SPTBN1: variants seen among roughly 807,000 people sequenced by gnomAD.
SPTBN1 encodes the protein spectrin beta, non-erythrocytic 1.
SPTBN1 carries 32 observed loss-of-function variants against 266.4 expected under a neutral mutation model. The ratio of observed to expected loss-of-function variants is 0.12; its 90% confidence interval spans 0.09 to 0.16. SPTBN1 has a LOEUF of 0.16. Among genes scored for constraint, SPTBN1 ranks in the 10% least tolerant of loss-of-function variants. The pLI is 1.00. For missense variants in SPTBN1, 2,296 were observed against 3,067.1 expected (o/e 0.75, Z 5.94); for synonymous variants, 1,336 against 1,162.2 (o/e 1.15, Z -3.04).
At chr2:54,644,688 ATGGG>A in intron 20 of SPTBN1, 102 bp downstream of exon 20, 1 of 1,452,938 alleles carries the variant, frequency 6.9e-7, no homozygotes, top group African/African-American at 1.4e-5. Flanking sequence ...TCCACCTTCC[ATGGG>A]AAGGCATTTT....
At chr2:54,618,012 T>C in intron 6 of SPTBN1, 66 bp from the exon 7 acceptor site, 1 of 1,273,516 alleles carries the variant, frequency 7.9e-7, no homozygotes, top group Non-Finnish European at 1.1e-6. Context: ...GTAACAGTCA[T>C]GTTTCATTAG....
chr2:54,568,042 C>T (rs954754738), intron 2 of SPTBN1, among the ~76,000 whole-genome samples: 4 of 152,128 alleles, frequency 2.6e-5, no homozygotes, highest in Non-Finnish European at 5.9e-5. Context: ...GTCAGAATCT[C>T]GTCTTTTAAA....
chr2:54,523,713 G>A (rs987151945), intron 1 of SPTBN1, among the ~76,000 whole-genome samples: 1 of 152,190 alleles, frequency 6.6e-6, no homozygotes, highest in African/African-American at 2.4e-5. Flanking sequence ...GGTGGCATAT[G>A]TGAGGGGGAA....
rs1246199112 is a variant in SPTBN1, at chr2:54,600,821, G to GT, written c.300+1590dup. On this transcript the variant is annotated intron_variant, in intron 3 of 35. Coordinates refer to ENST00000356805, the MANE Select transcript of SPTBN1 (RefSeq NM_003128.3). The stretch of plus-strand genomic sequence containing the variant: ...GTTAGTCTGAACATTTATTTTTGTG[G>GT]TTTTTTTTTTTTAATTTATTTTTGT... Among the ~76,000 whole-genome samples the GT allele has an allele frequency of 4.5e-3, 633 of 141,336 alleles. 2 individuals are homozygous for GT. The highest frequency in any genetic ancestry group is 0.024 in the South Asian group (108 of 4,490). The allele number at this position is 141,336 out of a possible 152,430, so 92.7% of individuals were successfully genotyped here.
At chr2:54,604,141 C>T (rs1259345074) in intron 3 of SPTBN1, among the ~76,000 whole-genome samples, 1 of 152,180 alleles carries the variant, frequency 6.6e-6, no homozygotes, top group South Asian at 2.1e-4. Flanking sequence ...CGGGGCTGTG[C>T]TCTGCCCAGC....
intron 11 of SPTBN1, among the ~76,000 whole-genome samples, chr2:54,625,457 C>G (rs1032278916): frequency 1.3e-5 from 2 of 151,514 alleles, no homozygotes; most frequent in African/African-American, 4.9e-5. Context: ...AAGGCAGAGA[C>G]CAGTGGGGTG....
chr2:54,582,563 C>CAA (rs1208471911), intron 2 of SPTBN1, among the ~76,000 whole-genome samples: 136 of 76,458 alleles, frequency 1.8e-3, no homozygotes, highest in African/African-American at 5.5e-3. Context: ...GACTCCGTCT[C>CAA]AAAAAAAAAA....
intron 2 of SPTBN1, among the ~76,000 whole-genome samples, chr2:54,587,025 G>T (rs150212076): frequency 1.0e-3 from 152 of 152,236 alleles, no homozygotes; most frequent in Non-Finnish European, 1.9e-3. Context: ...ATAAGCAAGG[G>T]CCGGGGAGCA....
intron 12 of SPTBN1, 138 bp from the exon 13 acceptor site, chr2:54,627,959 C>T (rs575422173): frequency 3.2e-6 from 3 of 940,326 alleles, no homozygotes; most frequent in East Asian, 2.9e-5. Flanking sequence ...CATCATCTTC[C>T]CCTGAAGGTG....
chr2:54,581,577 C>CTTTTTTTTTTTTTTTTTTT lies in SPTBN1; in HGVS notation c.149-17510_149-17492dup, dbSNP rs70944181. On this transcript the variant is annotated intron_variant, in intron 2 of 35. Transcript: ENST00000356805. ...GCCTTCATGCTTTGGTTTCTTTGCCCTTTTTTTTTTTTTTTTTTTTTTTGA... is the reference window on the plus strand; with the variant it reads ...GCCTTCATGCTTTGGTTTCTTTGCCCTTTTTTTTTTTTTTTTTTTTTTTTTTTTTTTTTTTTTTTTTTGA... Among the ~76,000 whole-genome samples the CTTTTTTTTTTTTTTTTTTT allele has an allele frequency of 2.7e-3, 281 of 102,530 alleles. 2 individuals carry two copies. Among genetic ancestry groups the CTTTTTTTTTTTTTTTTTTT allele is most frequent in the Admixed American group, 6.2e-3 (56 of 9,008 alleles). The allele number at this position is 102,530 out of a possible 152,430, so 67.3% of individuals were successfully genotyped here. A position where few individuals can be genotyped will look rare whatever the true frequency, so the allele number is the denominator to read the frequency against.
intron 15 of SPTBN1, 58 bp downstream of exon 15, chr2:54,630,087 G>A: frequency 1.3e-6 from 2 of 1,575,774 alleles, no homozygotes. Flanking sequence ...GGAGGGTGAG[G>A]TCACTCATCG....
intron 1 of SPTBN1, among the ~76,000 whole-genome samples, chr2:54,498,440 C>T (rs1165504212): frequency 6.6e-5 from 10 of 152,198 alleles, no homozygotes; most frequent in Non-Finnish European, 1.3e-4. Context: ...GCTTCACTAT[C>T]GTTTACCTCT....
intron 1 of SPTBN1, among the ~76,000 whole-genome samples, chr2:54,461,505 C>G (rs966381191): frequency 2.0e-5 from 3 of 152,216 alleles, no homozygotes; most frequent in Non-Finnish European, 2.9e-5. Context: ...TATGCATCAT[C>G]AGCCTTAGTA....
chr2:54,613,844 T>G (rs558821550), intron 4 of SPTBN1, among the ~76,000 whole-genome samples: 18 of 152,354 alleles, frequency 1.2e-4, no homozygotes, highest in Admixed American at 2.0e-4. Flanking sequence ...TACACTCCTC[T>G]AGCTTCACCC....
At chr2:54,590,115 A>C (rs2104619267) in intron 2 of SPTBN1, among the ~76,000 whole-genome samples, 1 of 152,372 alleles carries the variant, frequency 6.6e-6, no homozygotes, top group African/African-American at 2.4e-5. Context: ...GCCCAAAGAT[A>C]AAACAAGCAA....
intron 2 of SPTBN1, among the ~76,000 whole-genome samples, chr2:54,587,358 CT>C (rs909275042): frequency 5.9e-5 from 9 of 152,206 alleles, no homozygotes; most frequent in Admixed American, 5.9e-4. Context: ...AATTATACTA[CT>C]TTCATGAAGT....
intron 1 of SPTBN1, among the ~76,000 whole-genome samples, chr2:54,510,281 T>G (rs1338642554): frequency 6.6e-6 from 1 of 152,196 alleles, no homozygotes; most frequent in Non-Finnish European, 1.5e-5. Context: ...ACACCAGTCC[T>G]ATTGGATTAG....
chr2:54,507,197 C>T (rs1669619171), intron 1 of SPTBN1, among the ~76,000 whole-genome samples: 1 of 152,182 alleles, frequency 6.6e-6, no homozygotes, highest in Admixed American at 6.5e-5. Context: ...AGGCTATTTT[C>T]ACTTCTTTTG....
In SPTBN1 at chr2:54,540,017, A is replaced by G. The variant is rs74505378; in HGVS notation, c.148+13451A>G. Among the ~76,000 whole-genome samples the G allele has an allele frequency of 0.039, 5,945 of 152,232 alleles. 154 individuals carry two copies. The highest frequency in any genetic ancestry group is 0.088 in the Admixed American group (1,340 of 15,272). ...GGATTCATGTCCGTATAAAGTAGAC[A>G]TGGGAAATGATCTTTCTCCCTACCA... On this transcript the variant is annotated intron_variant, in intron 2 of 35. Coordinates refer to ENST00000356805, the MANE Select transcript of SPTBN1 (RefSeq NM_003128.3). This position sits in a 1 kb window ranked among gnomAD's most constrained non-coding sequence, Gnocchi z 5.6.
Sources: gnomAD v4.1 joint callset for allele counts (sites outside exome capture counted in the v4.1 genomes callset) on GRCh38, gnomAD v4.1.1 for gene constraint, Gnocchi (gnomAD v3.1) non-coding constraint, MANE v1.5 for transcripts, NCBI Gene and HGNC (gene_info 2026-07-23, HGNC 2026-07-21) for gene names.